Variants in INPP5A observed in about 807,000 individuals in gnomAD.
The protein encoded by INPP5A is inositol polyphosphate-5-phosphatase A, also known as 43 kDa inositol polyphosphate 5-phophatase.
A neutral mutation model predicts 65.2 loss-of-function variants in INPP5A; 14 were observed. The ratio of observed to expected loss-of-function variants is 0.21; its 90% CI spans 0.14 to 0.34. The LOEUF (loss-of-function observed/expected upper bound fraction) is 0.34, where lower values mean the gene tolerates loss of function less well. Among genes scored for constraint, INPP5A ranks in the 10% least tolerant of loss-of-function variants. The probability of loss-of-function intolerance (pLI) is 1.00; values close to 1 mark genes in which losing one functional copy is unlikely to be tolerated. For missense variants in INPP5A, 431 were observed against 545.6 expected, an observed-to-expected ratio of 0.79 and a Z score of 2.09; for synonymous variants, 207 against 208.3, an observed-to-expected ratio of 0.99 and a Z score of 0.05.
rs2072200397 is a variant in INPP5A at position 132,627,455 on chromosome 10, G to A, written c.118-18413G>A. Among the ~76,000 whole-genome samples, 1 of 152,214 alleles carries A rather than the reference G, an allele frequency of 6.6e-6. No individual in the cohort carries two copies. Among genetic ancestry groups the A allele is most frequent in the African/African-American group, 2.4e-5 (1 of 41,450 alleles). On this transcript the variant is annotated intron_variant, in intron 2 of 15. Coordinates refer to ENST00000368594, the MANE Select transcript of INPP5A (RefSeq NM_005539.5). This position sits in a 1 kb window ranked among gnomAD's most constrained non-coding sequence, Gnocchi z 6.6. Reference sequence around the variant, plus strand: ...TGGCGGTGCTGGGCGCGGCTCCCAAGATGCGTGCAGCTGTCCGCGGTGGCT... The same window carrying A: ...TGGCGGTGCTGGGCGCGGCTCCCAAAATGCGTGCAGCTGTCCGCGGTGGCT...
At chr10:132,712,416 TAC>T (rs1399986200) in intron 8 of INPP5A, among the ~76,000 whole-genome samples, 2 of 146,114 alleles carry the variant, frequency 1.4e-5, no homozygotes, top group Admixed American at 1.4e-4. Flanking sequence ...CACGAGTGCA[TAC>T]ATATGTGTGT....
At chr10:132,615,566 A>G (rs2072020546) in intron 2 of INPP5A, among the ~76,000 whole-genome samples, 2 of 152,186 alleles carry the variant, frequency 1.3e-5, no homozygotes, top group Admixed American at 1.3e-4. Context: ...GTTTGACCGA[A>G]GGGGTGGGAC....
chr10:132,736,594 G>A (rs771318594), intron 9 of INPP5A, among the ~76,000 whole-genome samples: 6 of 152,178 alleles, frequency 3.9e-5, no homozygotes, highest in Admixed American at 6.5e-5. Context: ...ACCACTGCCC[G>A]CGAGGCAGGA....
At chr10:132,728,852 G>A (rs1197591048) in intron 9 of INPP5A, among the ~76,000 whole-genome samples, 1 of 152,212 alleles carries the variant, frequency 6.6e-6, no homozygotes, top group Non-Finnish European at 1.5e-5. Context: ...AAGGGAGCCA[G>A]CTGCTGAGCC....
At chr10:132,594,067 T>A (rs2071652298) in intron 1 of INPP5A, among the ~76,000 whole-genome samples, 1 of 152,190 alleles carries the variant, frequency 6.6e-6, no homozygotes, top group African/African-American at 2.4e-5. Flanking sequence ...TTGGGGTGTG[T>A]GTCGTGGCAC....
intron 4 of INPP5A, among the ~76,000 whole-genome samples, chr10:132,684,947 C>G (rs376118388): frequency 6.2e-4 from 95 of 152,294 alleles, no homozygotes; most frequent in African/African-American, 2.2e-3. Context: ...GTTTAGTAAT[C>G]TCTCGACTCT....
rs771405316 is a variant in INPP5A, at chr10:132,570,886, C to T, written c.75+32715C>T. ...GTGGATAGAGGGCCGTCCTTCCGGC[C>T]GCTGCTGCTCTCAGGTCGCCTCTCA... On this transcript the variant is annotated intron_variant, in intron 1 of 15. Coordinates refer to ENST00000368594, the MANE Select transcript of INPP5A (RefSeq NM_005539.5). Among the ~76,000 whole-genome samples, 6 of 152,342 alleles carry T rather than the reference C, an allele frequency of 3.9e-5. No individual in the cohort carries two copies. In the Middle Eastern group the frequency reaches 0.01, roughly 259 times the overall value.
intron 6 of INPP5A, among the ~76,000 whole-genome samples, chr10:132,701,360 G>A (rs943676512): frequency 4.6e-5 from 7 of 152,330 alleles, no homozygotes; most frequent in Non-Finnish European, 1.0e-4. Flanking sequence ...AGCCACGGCC[G>A]TCCCATCTGC....
intron 2 of INPP5A, among the ~76,000 whole-genome samples, chr10:132,613,049 A>G (rs1025708926): frequency 6.6e-6 from 1 of 152,222 alleles, no homozygotes; most frequent in African/African-American, 2.4e-5. Flanking sequence ...GACAGACCTC[A>G]GATCCAAGGC....
intron 1 of INPP5A, among the ~76,000 whole-genome samples, chr10:132,592,156 GA>G (rs148439027): frequency 2.6e-5 from 4 of 152,044 alleles, no homozygotes; most frequent in African/African-American, 4.8e-5. Context: ...ATAAAATACA[GA>G]AAAAAACCCC....
rs1251720391 is a variant in INPP5A at position 132,704,645 on chromosome 10, G to A, written c.475-3668G>A. ...TGAGGCCCTGGGTGCTGCTGGTGTG[G>A]ATCCTGTGCGTGGCTGGGCCGTGGG... On this transcript the variant is annotated intron_variant, in intron 6 of 15. Transcript: ENST00000368594. The surrounding 1 kb of genome is among the most constrained non-coding windows in gnomAD (Gnocchi z 4.5). Among the ~76,000 whole-genome samples, 1 of 152,234 alleles carries A rather than the reference G, an allele frequency of 6.6e-6. No individual in the cohort carries two copies. The highest frequency in any genetic ancestry group is 2.4e-5 in the African/African-American group (1 of 41,458).
intron 4 of INPP5A, among the ~76,000 whole-genome samples, chr10:132,655,366 C>T (rs532293647): frequency 3.3e-5 from 5 of 152,324 alleles, no homozygotes; most frequent in South Asian, 4.1e-4. Flanking sequence ...TTAGCCACCG[C>T]GGTGCATCCT....
rs2071554566 is a variant in INPP5A at position 132,587,062 on chromosome 10, C to T, written c.76-20853C>T. Among the ~76,000 whole-genome samples, 1 of 152,214 alleles carries T rather than the reference C, an allele frequency of 6.6e-6. No homozygotes were observed. Among genetic ancestry groups the T allele is most frequent in the Admixed American group, 6.5e-5 (1 of 15,288 alleles). On this transcript the variant is annotated intron_variant, in intron 1 of 15. Coordinates refer to ENST00000368594, the MANE Select transcript of INPP5A (RefSeq NM_005539.5). This position sits in a 1 kb window ranked among gnomAD's most constrained non-coding sequence, Gnocchi z 4.3. The stretch of plus-strand genomic sequence containing the variant: ...GCTGTCATCAGCAAGATCACTGTCA[C>T]TAGGACTGCGTGTATTCCAGTCACA...
intron 1 of INPP5A, among the ~76,000 whole-genome samples, chr10:132,572,106 AC>A (rs2071348954): frequency 6.6e-6 from 1 of 152,196 alleles, no homozygotes; most frequent in African/African-American, 2.4e-5. Context: ...CATGTCTGGC[AC>A]CGCAGATAGT....
intron 9 of INPP5A, among the ~76,000 whole-genome samples, chr10:132,748,039 G>A (rs1015097236): frequency 3.9e-5 from 6 of 152,146 alleles, no homozygotes; most frequent in African/African-American, 1.2e-4. Context: ...GACAGATCAA[G>A]ACCCTATCTG....
At chr10:132,781,659 C>G (rs1847163421) in intron 14 of INPP5A, among the ~76,000 whole-genome samples, 2 of 152,226 alleles carry the variant, frequency 1.3e-5, no homozygotes, top group African/African-American at 4.8e-5. Context: ...GCTCCAGTTC[C>G]ACATTCACGG....
chr10:132,662,649 C>T (rs1183678514), intron 4 of INPP5A, among the ~76,000 whole-genome samples: 1 of 152,128 alleles, frequency 6.6e-6, no homozygotes, highest in Non-Finnish European at 1.5e-5. Context: ...AGGTCAAGCC[C>T]AGGAGGGGAG....
intron 5 of INPP5A, among the ~76,000 whole-genome samples, chr10:132,691,596 A>G (rs1037207467): frequency 3.9e-5 from 6 of 152,274 alleles, no homozygotes; most frequent in African/African-American, 1.4e-4. Flanking sequence ...TAAATCAGTC[A>G]TAAAGTGCCT....
chr10:132,597,877 G>A (rs117940857), intron 1 of INPP5A, among the ~76,000 whole-genome samples: 2,196 of 149,674 alleles, frequency 0.015, 33 homozygotes, highest in South Asian at 0.037. Context: ...TCTGTGGTGC[G>A]TGTTCCGGGG....
Sources: allele counts gnomAD v4.1 joint callset (sites outside exome capture counted in the v4.1 genomes callset), GRCh38; gene constraint gnomAD v4.1.1; non-coding constraint Gnocchi (gnomAD v3.1); transcripts MANE v1.5; gene names NCBI Gene and HGNC (gene_info 2026-07-23, HGNC 2026-07-21).